The following SPCS2 variants were observed in gnomAD, a reference collection of about 807,000 sequenced individuals.
SPCS2 encodes SPase 25 kDa subunit.
SPCS2 carries 3 observed loss-of-function variants against 22.3 expected under a neutral mutation model. The ratio of observed to expected loss-of-function variants is 0.13; its 90% CI spans 0.06 to 0.35. SPCS2 has a LOEUF of 0.35. Among genes scored for constraint, SPCS2 ranks in the 10% least tolerant of loss-of-function variants. SPCS2 has a pLI of 1.00. For synonymous variants in SPCS2, 67 were observed against 97.2 expected, an observed-to-expected ratio of 0.69 and a Z score of 1.83; for missense variants, 169 against 280.9, an observed-to-expected ratio of 0.60 and a Z score of 2.85.
chr11:74,961,312 T>C (rs1948513013), intron 1 of SPCS2, among the ~76,000 whole-genome samples: 1 of 152,198 alleles, frequency 6.6e-6, no homozygotes, highest in African/African-American at 2.4e-5. Flanking sequence ...CCATCTTAAT[T>C]TTACAATTTA....
At chr11:74,972,456 C>T (rs944032551) in intron 4 of SPCS2, among the ~76,000 whole-genome samples, 4 of 152,168 alleles carry the variant, frequency 2.6e-5, no homozygotes, top group Non-Finnish European at 4.4e-5. Context: ...CTCCTGGGCC[C>T]GCCCCCTCCT....
chr11:74,955,884 A>ATATATATATATATATATC (rs1555115691), intron 1 of SPCS2, among the ~76,000 whole-genome samples: 4 of 127,846 alleles, frequency 3.1e-5, no homozygotes, highest in Non-Finnish European at 6.5e-5. Context: ...ATATATATAT[A>ATATATATATATATATATC]TATCTGCCTG....
intron 4 of SPCS2, among the ~76,000 whole-genome samples, chr11:74,970,413 C>G (rs1948577783): frequency 6.6e-6 from 1 of 152,098 alleles, no homozygotes; most frequent in African/African-American, 2.4e-5. Context: ...GATAAGAATA[C>G]AGGCCCAAAG....
In SPCS2 at chr11:74,965,064, G is replaced by A; in HGVS notation, c.145G>A (p.Asp49Asn). Residue 49 changes from aspartate to asparagine, a missense_variant, in exon 2 of 5, where the codon GAC becomes AAC. Around this residue, in one of 2 missense-constraint regions of SPCS2, gnomAD observed 118 missense variants for 243.1 expected, o/e 0.49. Coordinates refer to ENST00000263672, the MANE Select transcript of SPCS2 (RefSeq NM_014752.3). ...GATAGATGATAAGCCTGTAAAAATT[G>A]ACAAGTGGGATGGATCAGCTGTGAA... The part of the protein sequence containing the change: ...WKIDDKPVKI[D>N]KWDGSAVKNS... The A allele has an allele frequency of 6.4e-7, 1 of 1,551,172 alleles. No homozygotes were observed.
chr11:74,957,533 C>T (rs577009131), intron 1 of SPCS2, among the ~76,000 whole-genome samples: 12 of 152,320 alleles, frequency 7.9e-5, no homozygotes, highest in South Asian at 2.1e-4. Context: ...AGCCAGTCTT[C>T]GTGCCTTAAT....
At chr11:74,949,640 A>G in intron 1 of SPCS2, 1 of 567,102 alleles carries the variant, frequency 1.8e-6, no homozygotes, top group Non-Finnish European at 3.3e-6. Flanking sequence ...TGGTCGCCAC[A>G]CCTTTTTCGG....
chr11:74,951,294 C>G (rs1333495965), intron 1 of SPCS2, among the ~76,000 whole-genome samples: 1 of 152,108 alleles, frequency 6.6e-6, no homozygotes, highest in East Asian at 1.9e-4. Context: ...TAAGACAGTA[C>G]ACATTAATGA....
At chr11:74,966,361 G>A (rs1469128070) in intron 3 of SPCS2, among the ~76,000 whole-genome samples, 1 of 152,226 alleles carries the variant, frequency 6.6e-6, no homozygotes, top group African/African-American at 2.4e-5. Context: ...GAACTGGAAA[G>A]TACTGAGCAT....
At chr11:74,953,708 A>G (rs1359420979) in intron 1 of SPCS2, among the ~76,000 whole-genome samples, 1 of 152,226 alleles carries the variant, frequency 6.6e-6, no homozygotes, top group Non-Finnish European at 1.5e-5. Context: ...TAAGTATGCA[A>G]ATATAATCTT....
rs1410503912 is a variant in SPCS2, at chr11:74,949,327, C to G, written c.42C>G (p.Ser14Arg). 5.2e-6 allele frequency: 8 copies of G among 1,550,514 alleles called. No individual in the cohort carries two copies. The highest frequency in any genetic ancestry group is 1.2e-5 in the South Asian group (1 of 84,010). ...TACAGGGCGGGAGAAGCGGTGGTAG[C>G]GGAGGCTGTAGTGGGGCTGGTGGTG... is the stretch of plus-strand genomic sequence containing the variant. Reference protein sequence around the residue: ...AAVQGGRSGGSGGCSGAGGAS... With the variant: ...AAVQGGRSGGRGGCSGAGGAS... Residue 14 changes from serine (S) to arginine (R), a missense_variant, in exon 1 of 5, where the codon AGC becomes AGG. Around this residue, in one of 2 missense-constraint regions of SPCS2, gnomAD observed 51 missense variants for 37.8 expected, o/e 1.35. Coordinates refer to ENST00000263672, the MANE Select transcript of SPCS2 (RefSeq NM_014752.3).
chr11:74,976,192 T>A (rs543507370), intron 4 of SPCS2, among the ~76,000 whole-genome samples: 1 of 152,214 alleles, frequency 6.6e-6, no homozygotes, highest in South Asian at 2.1e-4. Flanking sequence ...CAGCTAAGAG[T>A]ATGAAGCAAT....
intron 3 of SPCS2, among the ~76,000 whole-genome samples, chr11:74,966,688 A>G (rs1417116024): frequency 6.6e-6 from 1 of 152,148 alleles, no homozygotes; most frequent in Non-Finnish European, 1.5e-5. Flanking sequence ...GAACTTAATT[A>G]TACTTCACTA....
At chr11:74,961,455 T>C (rs1948513721) in intron 1 of SPCS2, among the ~76,000 whole-genome samples, 2 of 152,156 alleles carry the variant, frequency 1.3e-5, no homozygotes, top group African/African-American at 2.4e-5. Flanking sequence ...CCTTATTGGG[T>C]AAGGAAAAAA....
intron 1 of SPCS2, among the ~76,000 whole-genome samples, chr11:74,962,022 A>G (rs573525284): frequency 5.3e-5 from 8 of 152,306 alleles, no homozygotes; most frequent in Non-Finnish European, 1.0e-4. Flanking sequence ...TACTATTTGT[A>G]TGGCACTTAA....
intron 4 of SPCS2, among the ~76,000 whole-genome samples, chr11:74,974,773 T>C (rs1374240797): frequency 2.6e-5 from 4 of 151,980 alleles, no homozygotes; most frequent in African/African-American, 4.8e-5. Flanking sequence ...AGCCACCACG[T>C]CTGGCTAATT....
intron 2 of SPCS2, among the ~76,000 whole-genome samples, chr11:74,965,357 T>G (rs946377463): frequency 7.9e-5 from 12 of 151,742 alleles, no homozygotes; most frequent in African/African-American, 1.9e-4. Context: ...CCCTAAAACT[T>G]AAAGTATAAT....
intron 4 of SPCS2, among the ~76,000 whole-genome samples, chr11:74,971,067 G>A (rs1182928664): frequency 3.3e-5 from 5 of 151,820 alleles, no homozygotes; most frequent in Non-Finnish European, 7.4e-5. Context: ...TACTTTCTCT[G>A]TTCTCTTTTA....
At chr11:74,967,401 A>G (rs994202418) in intron 3 of SPCS2, among the ~76,000 whole-genome samples, 6 of 151,518 alleles carry the variant, frequency 4.0e-5, no homozygotes, top group Admixed American at 3.9e-4. Flanking sequence ...TTAATAAAAC[A>G]AGGTCTTATT....
intron 4 of SPCS2, among the ~76,000 whole-genome samples, chr11:74,973,232 T>C (rs1285923666): frequency 6.6e-6 from 1 of 152,172 alleles, no homozygotes; most frequent in Non-Finnish European, 1.5e-5. Context: ...CCCCTTTGAA[T>C]GCATGTCATC....
Sources: gnomAD v4.1 joint callset for allele counts (sites outside exome capture counted in the v4.1 genomes callset) on GRCh38, gnomAD v4.1.1 for gene constraint, gnomAD v4.1.1 regional missense constraint, MANE v1.5 for transcripts, NCBI Gene and HGNC (gene_info 2026-07-23, HGNC 2026-07-21) for gene names.